STYX: variants seen among roughly 807,000 people sequenced by gnomAD.
The protein encoded by STYX is serine/threonine/tyrosine interacting protein, also known as serine/threonine/tyrosine-interacting protein.
A neutral mutation model predicts 42.7 loss-of-function variants in STYX; 20 were observed. The ratio of observed to expected loss-of-function variants is 0.47; its 90% CI spans 0.33 to 0.68. STYX has a LOEUF of 0.68. STYX is among the 30% of genes least tolerant of loss of function. The pLI, the probability that STYX is intolerant of heterozygous loss-of-function variation, is 0.02. For synonymous variants in STYX, 78 were observed against 81.9 expected, an observed-to-expected ratio of 0.95 and a Z score of 0.26; for missense variants, 226 against 268.5, an observed-to-expected ratio of 0.84 and a Z score of 1.11.
At chr14:52,765,051 A>T (rs1056710732) in intron 9 of STYX, among the ~76,000 whole-genome samples, 1 of 152,236 alleles carries the variant, frequency 6.6e-6, no homozygotes, top group Non-Finnish European at 1.5e-5. Flanking sequence ...TTTATTAAGA[A>T]TAGTTCATGG....
chr14:52,739,838 C>G (rs1881115821), intron 1 of STYX, among the ~76,000 whole-genome samples: 1 of 151,692 alleles, frequency 6.6e-6, no homozygotes, highest in African/African-American at 2.4e-5. Context: ...GAGATGAGGT[C>G]TCCCTATATT....
At chr14:52,751,566 AG>A (rs1291547166) in intron 4 of STYX, among the ~76,000 whole-genome samples, 3 of 152,228 alleles carry the variant, frequency 2.0e-5, no homozygotes, top group Non-Finnish European at 4.4e-5. Context: ...CTCTTCCCTT[AG>A]TATCTCTCCA....
Position 52,762,628 on chromosome 14 carries a change from G to A in STYX, c.504+2874G>A, listed in dbSNP as rs746477284. On this transcript the variant is annotated intron_variant, in intron 9 of 10. Coordinates refer to ENST00000354586, the MANE Select transcript of STYX (RefSeq NM_145251.4). ...TTCTGGTTTTACTATCTCTGTCACA[G>A]TGTTCTCATTTTTTAGTGGAAGCTT... Among the ~76,000 whole-genome samples, 26 of 151,716 alleles carry A rather than the reference G, an allele frequency of 1.7e-4. 1 individual carries two copies. The highest frequency in any genetic ancestry group is 3.4e-4 in the Non-Finnish European group (23 of 67,922).
intron 9 of STYX, among the ~76,000 whole-genome samples, chr14:52,764,915 C>G (rs1052049298): frequency 6.6e-6 from 1 of 152,030 alleles, no homozygotes; most frequent in African/African-American, 2.4e-5. Context: ...GTGATCCACC[C>G]GCCTCAGCAT....
At chr14:52,770,957 C>G (rs1882487143) in intron 10 of STYX, 76 bp from the exon 11 acceptor site, 1 of 1,406,846 alleles carries the variant, frequency 7.1e-7, no homozygotes, top group African/African-American at 1.4e-5. Context: ...CACTTAATAA[C>G]AAAATTTTAC....
chr14:52,745,984 C>G (rs1206932792), intron 2 of STYX, among the ~76,000 whole-genome samples: 1 of 152,064 alleles, frequency 6.6e-6, no homozygotes, highest in Non-Finnish European at 1.5e-5. Flanking sequence ...TATGATATAT[C>G]CAGACTGAAA....
At chr14:52,733,777 G>T (rs1392241383) in intron 1 of STYX, among the ~76,000 whole-genome samples, 1 of 152,174 alleles carries the variant, frequency 6.6e-6, no homozygotes, top group African/African-American at 2.4e-5. Context: ...GGTTCTTGGC[G>T]TTTTGAACAA....
At chr14:52,742,764 GCCT>G (rs945271559) in intron 1 of STYX, among the ~76,000 whole-genome samples, 1 of 151,556 alleles carries the variant, frequency 6.6e-6, no homozygotes, top group African/African-American at 2.4e-5. Context: ...AGGATAACTG[GCCT>G]CCTTCTGATT....
chr14:52,734,795 C>G (rs1052560740), intron 1 of STYX, among the ~76,000 whole-genome samples: 2 of 152,202 alleles, frequency 1.3e-5, no homozygotes, highest in African/African-American at 4.8e-5. Flanking sequence ...GGCGTGGTGG[C>G]TCACGCCTGT....
intron 9 of STYX, among the ~76,000 whole-genome samples, chr14:52,766,550 C>T (rs755590988): frequency 9.9e-5 from 15 of 152,142 alleles, no homozygotes; most frequent in African/African-American, 1.9e-4. Context: ...TCAAGCGATC[C>T]TCCCACCTTG....
intron 8 of STYX, among the ~76,000 whole-genome samples, chr14:52,759,337 C>G (rs1266036234): frequency 1.3e-5 from 2 of 152,114 alleles, no homozygotes; most frequent in Non-Finnish European, 2.9e-5. Flanking sequence ...CCAGGCTGGT[C>G]TCAAAGTCCT....
intron 1 of STYX, among the ~76,000 whole-genome samples, chr14:52,731,091 T>C (rs773428423): frequency 6.6e-6 from 1 of 152,254 alleles, no homozygotes; most frequent in African/African-American, 2.4e-5. Flanking sequence ...GGAAAATTAA[T>C]ATTGAAAGTA....
rs1431068340 is a variant in STYX, at chr14:52,763,221, A to G, written c.504+3467A>G. Among the ~76,000 whole-genome samples, 4 of 152,222 alleles carry G rather than the reference A, an allele frequency of 2.6e-5. No homozygotes were observed. The East Asian group carries it at 7.7e-4, about 29-fold the overall frequency. ...TTGATTTTCTGATACCCCTCAGGTC[A>G]CTTTGGATGTATTTATGATCTTCTG... is the stretch of plus-strand genomic sequence containing the variant. On this transcript the variant is annotated intron_variant, in intron 9 of 10. Transcript: ENST00000354586.
intron 2 of STYX, among the ~76,000 whole-genome samples, chr14:52,745,786 TC>T (rs2139895585): frequency 6.6e-6 from 1 of 152,284 alleles, no homozygotes; most frequent in African/African-American, 2.4e-5. Flanking sequence ...TACTTTTCTC[TC>T]TTAATGAAAG....
intron 4 of STYX, among the ~76,000 whole-genome samples, chr14:52,752,180 CA>C (rs58090538): frequency 0.51 from 75,989 of 149,200 alleles, 19,141 homozygotes; most frequent in South Asian, 0.56. Flanking sequence ...CAAAACAAAA[CA>C]AAAAAAAAAC....
rs1453077335 is a variant in STYX, at chr14:52,750,775, A to G, written c.237A>G (p.Leu79=). The G allele has an allele frequency of 6.4e-7, 1 of 1,559,058 alleles. No individual in the cohort carries two copies. The highest frequency in any genetic ancestry group is 1.4e-5 in the African/African-American group (1 of 72,790). Residue 79 remains leucine, a synonymous_variant, in exon 4 of 11, where the codon TTA becomes TTG. Transcript: ENST00000354586. The stretch of plus-strand genomic sequence containing the variant: ...TTATTAAACCAAACTTTCAGCAGTT[A>G]TTTAGGTAAGAATTATTGCTATGAT... ...ANFIKPNFQQ[L]FRYLVLDIAD...
intron 3 of STYX, among the ~76,000 whole-genome samples, chr14:52,748,928 A>G (rs1157757320): frequency 6.6e-6 from 1 of 152,272 alleles, no homozygotes; most frequent in African/African-American, 2.4e-5. Flanking sequence ...GTTATACTCA[A>G]GAAATACAAA....
Position 52,744,888 on chromosome 14 carries a change from T to G in STYX, c.90+4T>G. On this transcript the variant is annotated splice_donor_region_variant and intron_variant, in intron 2 of 10. Transcript: ENST00000354586. The stretch of plus-strand genomic sequence containing the variant: ...CCCTATGAGACGAGAGATGCAGGTA[T>G]GGCAACCTTTTCTTTGTTCAAACCA... The G allele has an allele frequency of 6.2e-7, 1 of 1,613,122 alleles. No individual in the cohort carries two copies. The highest frequency in any genetic ancestry group is 1.3e-5 in the African/African-American group (1 of 74,986).
chr14:52,762,751 A>G (rs1271070256), intron 9 of STYX, among the ~76,000 whole-genome samples: 1 of 151,828 alleles, frequency 6.6e-6, no homozygotes, highest in Non-Finnish European at 1.5e-5. Context: ...TCTGACCATA[A>G]TGTTTTATCT....
Sources: gnomAD v4.1 joint callset for allele counts (sites outside exome capture counted in the v4.1 genomes callset) on GRCh38, gnomAD v4.1.1 for gene constraint, MANE v1.5 for transcripts, NCBI Gene and HGNC (gene_info 2026-07-23, HGNC 2026-07-21) for gene names.